GRIN2A: variants seen among roughly 807,000 people sequenced by gnomAD.
GRIN2A encodes the protein glutamate receptor ionotropic, NMDA 2A.
Under a neutral mutation model 113.4 loss-of-function variants are expected in GRIN2A, and 22 were observed. That is an observed-to-expected ratio of 0.19 (90% CI 0.14 to 0.28). GRIN2A has a LOEUF of 0.28. GRIN2A is among the 10% of genes least tolerant of loss of function. GRIN2A has a pLI of 1.00. For missense variants in GRIN2A, 1,502 were observed against 1,887.0 expected, an observed-to-expected ratio of 0.80 and a Z score of 3.78; for synonymous variants, 827 against 738.4, an observed-to-expected ratio of 1.12 and a Z score of -1.94.
intron 3 of GRIN2A, among the ~76,000 whole-genome samples, chr16:9,930,118 T>C (rs903612691): frequency 6.6e-5 from 10 of 152,158 alleles, no homozygotes; most frequent in African/African-American, 2.4e-4. Context: ...GGCTGTTGAC[T>C]TAGTGCTCAG....
intron 4 of GRIN2A, among the ~76,000 whole-genome samples, chr16:9,867,540 T>C (rs2284240): frequency 0.71 from 107,564 of 152,104 alleles, 39,512 homozygotes; most frequent in African/African-American, 0.89. Context: ...GGGCTCTAGA[T>C]ACATTCTCTT....
At position 9,755,368 on chromosome 16, in the gene GRIN2A, G is replaced by A. The variant is rs1264769614; in HGVS notation, c.*7781C>T. 5.4e-6 allele frequency: 1 copy of A among 186,764 alleles called. No individual in the cohort carries two copies. The highest frequency in any genetic ancestry group is 2.3e-5 in the African/African-American group (1 of 42,650). 11.6% of individuals were successfully genotyped at this position (186,764 alleles called of 1,614,324 possible). On this transcript the variant is annotated 3_prime_UTR_variant, in exon 13 of 13. Coordinates refer to ENST00000330684, the MANE Select transcript of GRIN2A (RefSeq NM_001134407.3). ...TAGCTCAACATTCCAAGGAGAACAT[G>A]GTCACGCACTTGTAGACCCAACAAC... is the stretch of plus-strand genomic sequence containing the variant.
chr16:10,126,366 T>G (rs2048936262), intron 2 of GRIN2A, among the ~76,000 whole-genome samples: 1 of 152,062 alleles, frequency 6.6e-6, no homozygotes, highest in South Asian at 2.1e-4. Flanking sequence ...GGGGTCTCGC[T>G]ATGTTACCCA....
chr16:10,147,631 T>C (rs1233864108), intron 2 of GRIN2A, among the ~76,000 whole-genome samples: 2 of 91,848 alleles, frequency 2.2e-5, no homozygotes, highest in South Asian at 1.2e-3. Flanking sequence ...AGTGAGGCCC[T>C]GTCTCAAAAA....
intron 2 of GRIN2A, among the ~76,000 whole-genome samples, chr16:10,081,330 C>T (rs1385167033): frequency 6.6e-6 from 1 of 152,142 alleles, no homozygotes; most frequent in African/African-American, 2.4e-5. Context: ...GAAGCTATTG[C>T]GAAGTCAGTC....
rs1251026092 is a variant in GRIN2A, at chr16:10,089,708, A to T, written c.414+90290T>A. On this transcript the variant is annotated intron_variant, in intron 2 of 12. Coordinates refer to ENST00000330684, the MANE Select transcript of GRIN2A (RefSeq NM_001134407.3). ...ATAAAACCCTTGATAATAATAATCA[A>T]ATAATCAGATAATAATAACAGAGGT... Among the ~76,000 whole-genome samples the T allele has an allele frequency of 2.0e-5, 3 of 152,316 alleles. No homozygotes were observed. The East Asian group carries it at 5.8e-4, about 29-fold the overall frequency.
intron 2 of GRIN2A, among the ~76,000 whole-genome samples, chr16:10,133,047 G>A (rs542017370): frequency 1.6e-4 from 24 of 152,096 alleles, no homozygotes; most frequent in African/African-American, 4.8e-4. Flanking sequence ...TTCCATGCCC[G>A]CCTCTTATAA....
At position 9,762,935 on chromosome 16, in the gene GRIN2A, G is replaced by A. The variant is rs978647767; in HGVS notation, c.*214C>T. The A allele has an allele frequency of 2.3e-5, 14 of 605,838 alleles. No homozygotes were observed. In the East Asian group the frequency reaches 3.9e-4, roughly 17 times the overall value. 37.5% of individuals were successfully genotyped at this position (605,838 alleles called of 1,614,324 possible). On this transcript the variant is annotated 3_prime_UTR_variant, in exon 13 of 13. Coordinates refer to ENST00000330684, the MANE Select transcript of GRIN2A (RefSeq NM_001134407.3). ...TTTTGGTTAAGGACTCACCTATCTG[G>A]TGTCTGCCATGCTCAGCACACACCT...
At chr16:10,042,973 A>G (rs1241388826) in intron 2 of GRIN2A, among the ~76,000 whole-genome samples, 1 of 152,216 alleles carries the variant, frequency 6.6e-6, no homozygotes, top group African/African-American at 2.4e-5. Flanking sequence ...TCAGTCCCCA[A>G]CTTTGATCTA....
At chr16:9,911,807 G>C (rs1301168539) in intron 3 of GRIN2A, among the ~76,000 whole-genome samples, 2 of 152,178 alleles carry the variant, frequency 1.3e-5, no homozygotes, top group Non-Finnish European at 2.9e-5. Context: ...TATAAAGGTT[G>C]AGTGAACACT....
At chr16:9,836,726 T>C (rs908324616) in intron 7 of GRIN2A, among the ~76,000 whole-genome samples, 1 of 152,186 alleles carries the variant, frequency 6.6e-6, no homozygotes. Context: ...ACACACATGC[T>C]CCAGAACAAA....
intron 2 of GRIN2A, among the ~76,000 whole-genome samples, chr16:10,131,173 G>C (rs1483501380): frequency 6.6e-6 from 1 of 152,198 alleles, no homozygotes; most frequent in Non-Finnish European, 1.5e-5. Flanking sequence ...TTATTGACCA[G>C]CTTGCATGCT....
At chr16:9,834,528 T>C (rs1268510519) in intron 7 of GRIN2A, among the ~76,000 whole-genome samples, 1 of 152,078 alleles carries the variant, frequency 6.6e-6, no homozygotes, top group Non-Finnish European at 1.5e-5. Flanking sequence ...ACTACAGGCA[T>C]GTGCCACCAT....
In GRIN2A at chr16:9,979,785, C is replaced by CTATATATATATATATATATATATATA. The variant is rs71157796; in HGVS notation, c.415-41260_415-41235dup. On this transcript the variant is annotated intron_variant, in intron 2 of 12. Coordinates refer to ENST00000330684, the MANE Select transcript of GRIN2A (RefSeq NM_001134407.3). The stretch of plus-strand genomic sequence containing the variant: ...TATATACATATAAGGGACTATGGGA[C>CTATATATATATATATATATATATATA]TATATATATATATATATATATATAT... Among the ~76,000 whole-genome samples, 530 of 122,062 alleles carry CTATATATATATATATATATATATATA rather than the reference C, an allele frequency of 4.3e-3. 1 individual carries two copies. Among genetic ancestry groups the CTATATATATATATATATATATATATA allele is most frequent in the East Asian group, 9.3e-3 (31 of 3,330 alleles). The allele number at this position is 122,062 out of a possible 152,430, so 80.1% of individuals were successfully genotyped here.
rs901440544 is a variant in GRIN2A, at chr16:9,761,439, A to G, written c.*1710T>C. ...TAGTGTTTCCGTAATGGCCCAAAAC[A>G]GACTGAGGTCTTCTGCAAACACTGA... On this transcript the variant is annotated 3_prime_UTR_variant, in exon 13 of 13. Coordinates refer to ENST00000330684, the MANE Select transcript of GRIN2A (RefSeq NM_001134407.3). The G allele has an allele frequency of 8.6e-6, 2 of 231,236 alleles. No homozygotes were observed. The highest frequency in any genetic ancestry group is 1.7e-5 in the Non-Finnish European group (2 of 116,894). The allele number at this position is 231,236 out of a possible 1,614,324, so 14.3% of individuals were successfully genotyped here.
chr16:9,835,121 C>T (rs1203303724), intron 7 of GRIN2A, among the ~76,000 whole-genome samples: 1 of 152,162 alleles, frequency 6.6e-6, no homozygotes, highest in Non-Finnish European at 1.5e-5. Flanking sequence ...TCCATTTCAC[C>T]TTTTGCCTCA....
intron 3 of GRIN2A, among the ~76,000 whole-genome samples, chr16:9,930,576 C>G (rs1289231549): frequency 6.6e-6 from 1 of 152,228 alleles, no homozygotes; most frequent in Non-Finnish European, 1.5e-5. Context: ...AGCTTGGCCT[C>G]TGAGGTGCCT....
intron 3 of GRIN2A, among the ~76,000 whole-genome samples, chr16:9,923,155 C>G (rs559571909): frequency 1.1e-4 from 17 of 151,988 alleles, no homozygotes; most frequent in African/African-American, 3.9e-4. Flanking sequence ...ATACTAGATG[C>G]ATAGTTTGAT....
At chr16:10,102,493 C>G (rs536461809) in intron 2 of GRIN2A, among the ~76,000 whole-genome samples, 1 of 152,328 alleles carries the variant, frequency 6.6e-6, no homozygotes, top group African/African-American at 2.4e-5. Context: ...AACCTCTCTT[C>G]TTTACAAATT....
Sources: allele counts gnomAD v4.1 joint callset (sites outside exome capture counted in the v4.1 genomes callset), GRCh38; gene constraint gnomAD v4.1.1; transcripts MANE v1.5; gene names NCBI Gene and HGNC (gene_info 2026-07-23, HGNC 2026-07-21).